CYP2F1: variants seen among roughly 807,000 people sequenced by gnomAD.
The protein encoded by CYP2F1 is cytochrome P450 family 2 subfamily F member 1, also known as cytochrome P450 2F1.
In CYP2F1, 33 loss-of-function variants were observed where a neutral mutation model predicts 40.4. That is an observed-to-expected ratio of 0.82 (90% CI 0.62 to 1.09). The LOEUF is 1.09. Among genes scored for constraint, CYP2F1 ranks in the 50% least tolerant of loss-of-function variants. CYP2F1 has a pLI of 0.00. For missense variants in CYP2F1, 566 were observed against 655.7 expected, an observed-to-expected ratio of 0.86 and a Z score of 1.49; for synonymous variants, 235 against 277.2, an observed-to-expected ratio of 0.85 and a Z score of 1.51.
rs1599678074 is a variant in CYP2F1, at chr19:41,121,993, C to T, written c.682C>T (p.Pro228Ser). The T allele has an allele frequency of 6.2e-7, 1 of 1,613,400 alleles. No homozygotes were observed. ...CTTCCCGAGCCTCCTGGACTGGGTG[C>T]CTGGGCCGCACCAACGCATCTTCCA... Reference protein sequence around the residue: ...DIFPSLLDWVPGPHQRIFQNF... With the variant: ...DIFPSLLDWVSGPHQRIFQNF... The change falls in exon 6 of 10, where the codon CCT (proline) becomes TCT (serine). Residue 228 changes from proline (P) to serine (S), a missense_variant. Physicochemically the swap from Pro to Ser is moderately conservative, Grantham distance 74 (BLOSUM62 -1). This residue lies in a region of CYP2F1 where 62 missense variants were observed against 105.6 expected (regional missense o/e 0.59). Transcript: ENST00000331105.
rs772926718 is a variant in CYP2F1, at chr19:41,125,637, G to A, written c.1294+3G>A. 1.2e-6 allele frequency: 2 copies of A among 1,613,610 alleles called. No individual in the cohort carries two copies. Among genetic ancestry groups the A allele is most frequent in the South Asian group, 2.2e-5 (2 of 91,044 alleles). Reference sequence around the variant, plus strand: ...AGCCTTCATGCCCTTCTCAGCTGGTGAGGGCAGGAATCAGAGTCTTTCTGG... The same window carrying A: ...AGCCTTCATGCCCTTCTCAGCTGGTAAGGGCAGGAATCAGAGTCTTTCTGG... On this transcript the variant is annotated splice_donor_region_variant and intron_variant, in intron 9 of 9. Coordinates refer to ENST00000331105, the MANE Select transcript of CYP2F1 (RefSeq NM_000774.5).
At chr19:41,123,694 T>A (rs1169297679) in intron 7 of CYP2F1, among the ~76,000 whole-genome samples, 1 of 152,068 alleles carries the variant, frequency 6.6e-6, no homozygotes, top group Non-Finnish European at 1.5e-5. Flanking sequence ...TCAGCTAATT[T>A]TTTATTTTTT....
In CYP2F1 at chr19:41,125,557, A is replaced by G; in HGVS notation, c.1217A>G (p.Gln406Arg). The G allele has an allele frequency of 6.2e-7, 1 of 1,606,168 alleles. No individual in the cohort carries two copies. Among genetic ancestry groups the G allele is most frequent in the Non-Finnish European group, 8.5e-7 (1 of 1,175,364 alleles). The change falls in exon 9 of 10, where the codon CAG (glutamine) becomes CGG (arginine). Residue 406 changes from glutamine (Q) to arginine (R), a missense_variant. This residue lies in a region of CYP2F1 where 27 missense variants were observed against 68.4 expected (regional missense o/e 0.39). Coordinates refer to ENST00000331105, the MANE Select transcript of CYP2F1 (RefSeq NM_000774.5). ...HYDPSQFLTP[Q>R]EFNPEHFLDA... ...GACCCCAGCCAGTTCCTGACGCCCC[A>G]GGAGTTCAACCCCGAGCATTTTTTG...
In CYP2F1 at chr19:41,122,708, GGAAA is replaced by G; in HGVS notation, c.823-108_823-105del. 6.2e-6 allele frequency: 7 copies of G among 1,136,058 alleles called. No individual in the cohort carries two copies. The South Asian group carries it at 6.8e-5, about 11-fold the overall frequency. 70.4% of individuals were successfully genotyped at this position (1,136,058 alleles called of 1,614,324 possible). ...CTTCTCCGTTCCCCAGCTCTCCCAG[GGAAA>G]GAAAGTTAAACCCAGCTGGGACCGA... is the stretch of plus-strand genomic sequence containing the variant. On this transcript the variant is annotated intron_variant, in intron 6 of 9. Coordinates refer to ENST00000331105, the MANE Select transcript of CYP2F1 (RefSeq NM_000774.5).
At position 41,116,574 on chromosome 19, in the gene CYP2F1, C is replaced by A; in HGVS notation, c.291C>A (p.Gly97=). The A allele has an allele frequency of 6.2e-7, 1 of 1,614,008 alleles. No individual in the cohort carries two copies. Among genetic ancestry groups the A allele is most frequent in the South Asian group, 1.1e-5 (1 of 91,070 alleles). Residue 97 remains glycine, a synonymous_variant, in exon 3 of 10, where the codon GGC becomes GGA. Coordinates refer to ENST00000331105, the MANE Select transcript of CYP2F1 (RefSeq NM_000774.5). Reference sequence around the variant, plus strand: ...TGGACCAGGGAGAGGAGTTTAGTGGCCGCGGTGACTACCCTGCCTTTTTCA... The same window carrying A: ...TGGACCAGGGAGAGGAGTTTAGTGGACGCGGTGACTACCCTGCCTTTTTCA... The part of the protein sequence containing the change: ...ALVDQGEEFS[G]RGDYPAFFNF...
chr19:41,125,155 T>A (rs1179276951), intron 8 of CYP2F1: 3 of 559,442 alleles, frequency 5.4e-6, no homozygotes, highest in Non-Finnish European at 9.3e-6. Flanking sequence ...AACCCCTCCC[T>A]GGAAGCCCTG....
intron 3 of CYP2F1, among the ~76,000 whole-genome samples, chr19:41,119,719 CTCTCTA>C (rs1467702094): frequency 3.7e-4 from 14 of 38,126 alleles, no homozygotes; most frequent in Middle Eastern, 0.017. Context: ...CTCTCTCTCT[CTCTCTA>C]TATATATATA....
chr19:41,116,836 C>T (rs768698647), intron 3 of CYP2F1, among the ~76,000 whole-genome samples: 2 of 152,020 alleles, frequency 1.3e-5, no homozygotes, highest in Non-Finnish European at 2.9e-5. Context: ...TACTCTTGCA[C>T]CACTCCTCAT....
rs377128872 is a variant in CYP2F1 at position 41,121,946 on chromosome 19, C to T, written c.646-11C>T. On this transcript the variant is annotated splice_polypyrimidine_tract_variant and intron_variant, in intron 5 of 9. Coordinates refer to ENST00000331105, the MANE Select transcript of CYP2F1 (RefSeq NM_000774.5). ...CTCCTCCAAAACCCTCCTACTCTGTCTGGTCCCCAGTTGTACGACATCTTC... is the reference window on the plus strand; with the variant it reads ...CTCCTCCAAAACCCTCCTACTCTGTTTGGTCCCCAGTTGTACGACATCTTC... 6.8e-6 allele frequency: 11 copies of T among 1,612,410 alleles called. No individual in the cohort carries two copies. The highest frequency in any genetic ancestry group is 9.3e-6 in the Non-Finnish European group (11 of 1,179,210).
intron 3 of CYP2F1, among the ~76,000 whole-genome samples, chr19:41,117,804 A>G (rs114986591): frequency 0.016 from 2,418 of 152,010 alleles, 66 homozygotes; most frequent in African/African-American, 0.055. Context: ...AAGGCTTGGA[A>G]TCACCCTAGT....
rs147688839 is a variant in CYP2F1, at chr19:41,119,748, T to TACACAC, written c.335-567_335-562dup. Among the ~76,000 whole-genome samples the TACACAC allele has an allele frequency of 8.7e-3, 315 of 36,040 alleles. 8 individuals are homozygous for TACACAC. Among genetic ancestry groups the TACACAC allele is most frequent in the East Asian group, 0.019 (15 of 806 alleles). The allele number at this position is 36,040 out of a possible 152,430, so 23.6% of individuals were successfully genotyped here. On this transcript the variant is annotated intron_variant, in intron 3 of 9. Coordinates refer to ENST00000331105, the MANE Select transcript of CYP2F1 (RefSeq NM_000774.5). ...CTATATATATATATATATATATATA[T>TACACAC]ACACACACACACACACACACACACA...
At chr19:41,115,773 A>AAAAG (rs575781304) in intron 1 of CYP2F1, among the ~76,000 whole-genome samples, 7 of 150,554 alleles carry the variant, frequency 4.6e-5, no homozygotes, top group African/African-American at 1.5e-4. Context: ...AGAAAAAGAA[A>AAAAG]AAAGAAAGAA....
At chr19:41,118,772 C>A (rs2031968765) in intron 3 of CYP2F1, among the ~76,000 whole-genome samples, 1 of 152,330 alleles carries the variant, frequency 6.6e-6, no homozygotes. Context: ...TTCTCTTCCT[C>A]TTAGTTTGCT....
intron 9 of CYP2F1, 26 bp from the exon 10 acceptor site, chr19:41,127,875 C>T (rs369957903): frequency 1.6e-5 from 26 of 1,600,068 alleles, no homozygotes; most frequent in African/African-American, 8.0e-5. Context: ...ATCTCACCGC[C>T]GCTCCCCATC....
intron 2 of CYP2F1, 26 bp from the exon 3 acceptor site, chr19:41,116,429 T>A (rs2031810588): frequency 1.2e-6 from 2 of 1,607,692 alleles, no homozygotes; most frequent in East Asian, 2.2e-5. Context: ...CAGGCCCCCC[T>A]GTAACTTCTG....
In CYP2F1 at chr19:41,121,541, T is replaced by G; in HGVS notation, c.568T>G (p.Tyr190Asp). 1.9e-6 allele frequency: 3 copies of G among 1,609,906 alleles called. No homozygotes were observed. Among genetic ancestry groups the G allele is most frequent in the Non-Finnish European group, 2.5e-6 (3 of 1,179,548 alleles). ...CSVLFGSRFD[Y>D]DDERLLTIIR... ...CGTGCTCTTCGGCAGCCGCTTCGACTATGATGATGAGCGTCTGCTCACCAT... is the reference window on the plus strand; with the variant it reads ...CGTGCTCTTCGGCAGCCGCTTCGACGATGATGATGAGCGTCTGCTCACCAT... The change falls in exon 5 of 10, where the codon TAT (tyrosine) becomes GAT (aspartate). Residue 190 changes from tyrosine (Y) to aspartate (D), a missense_variant. Physicochemically the swap from Tyr to Asp is radical, Grantham distance 160. Around this residue, in one of 5 missense-constraint regions of CYP2F1, gnomAD observed 264 missense variants for 275.7 expected, o/e 0.96. Coordinates refer to ENST00000331105, the MANE Select transcript of CYP2F1 (RefSeq NM_000774.5).
chr19:41,116,260 A>G lies in CYP2F1; in HGVS notation c.72A>G (p.Ser24=), dbSNP rs2031795420. Residue 24 remains serine (S), a synonymous_variant, in exon 2 of 10, where the codon TCA becomes TCG. Coordinates refer to ENST00000331105, the MANE Select transcript of CYP2F1 (RefSeq NM_000774.5). ...TCTGTCTGCTCCTGACCCTAAGCTCAAGAGATAAGGGAAAGCTGCCTCCGG... is the reference window on the plus strand; with the variant it reads ...TCTGTCTGCTCCTGACCCTAAGCTCGAGAGATAAGGGAAAGCTGCCTCCGG... ...ALVCLLLTLS[S]RDKGKLPPGP... 6.2e-7 allele frequency: 1 copy of G among 1,614,054 alleles called. No homozygotes were observed. Among genetic ancestry groups the G allele is most frequent in the East Asian group, 2.2e-5 (1 of 44,862 alleles).
At position 41,122,845 on chromosome 19, in the gene CYP2F1, C is replaced by T. The variant is rs746554629; in HGVS notation, c.846C>T (p.His282=). 1 of 1,549,378 alleles carries T rather than the reference C, an allele frequency of 6.5e-7. No individual in the cohort carries two copies. The highest frequency in any genetic ancestry group is 1.3e-5 in the South Asian group (1 of 79,976). The change falls in exon 7 of 10, where the codon CAC becomes CAT. Residue 282 remains histidine, a synonymous_variant. Transcript: ENST00000331105. ...AGGAGAAGGAGGACCCACTGAGCCA[C>T]TTCCACATGGATACCCTGCTGATGA... ...MAEEKEDPLS[H]FHMDTLLMTT... is the part of the protein sequence containing the mutation.
rs557885192 is a variant in CYP2F1, at chr19:41,121,812, C to T, written c.646-145C>T. The T allele has an allele frequency of 6.6e-6, 7 of 1,060,438 alleles. No homozygotes were observed. The African/African-American group carries it at 9.1e-5, about 14-fold the overall frequency. 65.7% of individuals were successfully genotyped at this position (1,060,438 alleles called of 1,614,324 possible). On this transcript the variant is annotated intron_variant, in intron 5 of 9. Transcript: ENST00000331105. The stretch of plus-strand genomic sequence containing the variant: ...ATTTATGGCCGCCATTGCCTCCTTC[C>T]CACTCCCCCTCAGCCCCAACCCCCA...
Sources: gnomAD v4.1 joint callset for allele counts (sites outside exome capture counted in the v4.1 genomes callset) on GRCh38, gnomAD v4.1.1 for gene constraint, gnomAD v4.1.1 regional missense constraint, MANE v1.5 for transcripts, NCBI Gene and HGNC (gene_info 2026-07-23, HGNC 2026-07-21) for gene names.